The following SEC24B variants were observed in gnomAD, a reference collection of about 807,000 sequenced individuals.
SEC24B encodes the protein SEC24 homolog B, COPII component.
SEC24B carries 45 observed loss-of-function variants against 142.8 expected under a neutral mutation model. That is an observed-to-expected ratio of 0.32 (90% CI 0.25 to 0.40). The LOEUF is 0.40. SEC24B is among the 10% of genes least tolerant of loss of function. The probability of loss-of-function intolerance (pLI) is 1.00; values close to 1 mark genes in which losing one functional copy is unlikely to be tolerated. For synonymous variants in SEC24B, 574 were observed against 568.2 expected, an observed-to-expected ratio of 1.01 and a Z score of -0.15; for missense variants, 1,409 against 1,526.8, an observed-to-expected ratio of 0.92 and a Z score of 1.29.
chr4:109,493,002 G>T (rs985041439), intron 5 of SEC24B, among the ~76,000 whole-genome samples: 2 of 151,728 alleles, frequency 1.3e-5, no homozygotes, highest in Non-Finnish European at 2.9e-5. Flanking sequence ...TAATAGGCTT[G>T]AGCCTTTGCA....
chr4:109,495,746 C>T (rs1176548139), intron 6 of SEC24B, among the ~76,000 whole-genome samples: 1 of 152,172 alleles, frequency 6.6e-6, no homozygotes, highest in East Asian at 1.9e-4. Context: ...GATGATGGAG[C>T]TGCCATCTTG....
chr4:109,444,629 G>A (rs913142818), intron 1 of SEC24B, among the ~76,000 whole-genome samples: 2 of 152,140 alleles, frequency 1.3e-5, no homozygotes, highest in African/African-American at 4.8e-5. Context: ...TACTGAGACA[G>A]ATATGTCCTG....
In SEC24B at chr4:109,516,231, A is replaced by G. The variant is rs117137660; in HGVS notation, c.2014-297A>G. On this transcript the variant is annotated intron_variant, in intron 10 of 23. Transcript: ENST00000265175. ...CATCTAGAGAGCTTAGTATTAAATC[A>G]TAAGCCTAATTTTTAAAAAATGAAC... Among the ~76,000 whole-genome samples the G allele has an allele frequency of 5.3e-3, 804 of 152,324 alleles. 35 individuals are homozygous for G. In the South Asian group the frequency reaches 0.079, roughly 15 times the overall value.
chr4:109,504,704 C>T (rs1295545243), intron 6 of SEC24B, among the ~76,000 whole-genome samples: 2 of 152,106 alleles, frequency 1.3e-5, no homozygotes. Context: ...ACAATGACAG[C>T]CTGATCCTTT....
intron 11 of SEC24B, among the ~76,000 whole-genome samples, chr4:109,519,221 C>T (rs1306156447): frequency 6.6e-6 from 1 of 152,082 alleles, no homozygotes; most frequent in Non-Finnish European, 1.5e-5. Flanking sequence ...TCACTGTGCT[C>T]CAGAAATCCA....
At chr4:109,476,780 A>G (rs1333011767) in intron 3 of SEC24B, among the ~76,000 whole-genome samples, 1 of 152,008 alleles carries the variant, frequency 6.6e-6, no homozygotes, top group Non-Finnish European at 1.5e-5. Flanking sequence ...AGCATATCAT[A>G]TGTTTTCTTC....
At chr4:109,477,570 C>G (rs1187427531) in intron 3 of SEC24B, among the ~76,000 whole-genome samples, 1 of 152,062 alleles carries the variant, frequency 6.6e-6, no homozygotes, top group Admixed American at 6.5e-5. Flanking sequence ...GAGTGATTAT[C>G]CCACCTTGGC....
At position 109,513,772 on chromosome 4, in the gene SEC24B, C is replaced by G. The variant is rs763495438; in HGVS notation, c.1929C>G (p.Pro643=). ...TTCCTGAAGAATTTATGTATAACCC[C>G]CTTACCCGATCTTATGGAGAGCCTC... ...NDVPEEFMYN[P]LTRSYGEPHK... The change falls in exon 10 of 24, where the codon CCC becomes CCG. Residue 643 remains proline, a synonymous_variant. Transcript: ENST00000265175. 9.9e-6 allele frequency: 16 copies of G among 1,612,444 alleles called. No individual in the cohort carries two copies. The highest frequency in any genetic ancestry group is 1.7e-5 in the Admixed American group (1 of 60,002).
intron 1 of SEC24B, among the ~76,000 whole-genome samples, chr4:109,438,190 A>G (rs955818737): frequency 6.6e-6 from 1 of 152,252 alleles, no homozygotes; most frequent in Non-Finnish European, 1.5e-5. Flanking sequence ...ACGTTGTATA[A>G]TAAGAGCCTA....
In SEC24B at chr4:109,495,848, C is replaced by G. The variant is rs552198285; in HGVS notation, c.1488+992C>G. Reference sequence around the variant, plus strand: ...CTGCAGCGCGACTTTACAGGCTGCTCTTCGTTAGAGAATGGTTTGGGGCTG... The same window carrying G: ...CTGCAGCGCGACTTTACAGGCTGCTGTTCGTTAGAGAATGGTTTGGGGCTG... On this transcript the variant is annotated intron_variant, in intron 6 of 23. Transcript: ENST00000265175. Among the ~76,000 whole-genome samples the G allele has an allele frequency of 2.0e-5, 3 of 152,194 alleles. No homozygotes were observed. In the East Asian group the frequency reaches 5.8e-4, roughly 30 times the overall value.
chr4:109,523,819 T>G (rs962501403), intron 14 of SEC24B, among the ~76,000 whole-genome samples: 1 of 152,106 alleles, frequency 6.6e-6, no homozygotes, highest in Non-Finnish European at 1.5e-5. Context: ...TTTATTTGGG[T>G]TTTTTAATCA....
intron 1 of SEC24B, among the ~76,000 whole-genome samples, chr4:109,448,091 C>T (rs1729651289): frequency 6.6e-6 from 1 of 152,194 alleles, no homozygotes; most frequent in Non-Finnish European, 1.5e-5. Flanking sequence ...ATATTGGTCT[C>T]ACCTGGGTAA....
chr4:109,521,002 A>C (rs1222000282), intron 12 of SEC24B, 115 bp from the exon 13 acceptor site: 1 of 670,276 alleles, frequency 1.5e-6, no homozygotes, highest in Non-Finnish European at 2.6e-6. Context: ...CAAAAAAATA[A>C]ATAAAATAAA....
chr4:109,440,940 C>T (rs982287443), intron 1 of SEC24B, among the ~76,000 whole-genome samples: 2 of 152,174 alleles, frequency 1.3e-5, no homozygotes, highest in Non-Finnish European at 2.9e-5. Context: ...TTATTTTCTT[C>T]TGCTTTCCAG....
Position 109,434,002 on chromosome 4 carries a change from G to C in SEC24B, c.133G>C (p.Gly45Arg). The part of the protein sequence containing the change: ...GAGPAPHQQN[G>R]PAQNQMQVPS... ...GGGCCCGGCGCCGCACCAGCAGAAC[G>C]GTGAGGCGGGCGGCCCGGGCGGAGC... Residue 45 changes from glycine to arginine, a missense_variant and splice_region_variant, in exon 1 of 24, where the codon GGT (glycine) becomes CGT (arginine). This residue lies in a region of SEC24B where 709 missense variants were observed against 673.5 expected (regional missense o/e 1.05). Coordinates refer to ENST00000265175, the MANE Select transcript of SEC24B (RefSeq NM_006323.5). 1 of 1,162,356 alleles carries C rather than the reference G, an allele frequency of 8.6e-7. No homozygotes were observed. The highest frequency in any genetic ancestry group is 4.7e-5 in the Admixed American group (1 of 21,204). 72.0% of individuals were successfully genotyped at this position (1,162,356 alleles called of 1,614,324 possible).
At chr4:109,523,071 C>T (rs1723826512) in intron 14 of SEC24B, among the ~76,000 whole-genome samples, 1 of 151,990 alleles carries the variant, frequency 6.6e-6, no homozygotes, top group Admixed American at 6.6e-5. Flanking sequence ...GGTGTGGTAG[C>T]ACCTGCCTGT....
intron 4 of SEC24B, among the ~76,000 whole-genome samples, chr4:109,486,332 AT>A (rs143928195): frequency 0.011 from 1,719 of 152,290 alleles, 28 homozygotes; most frequent in African/African-American, 0.039. Context: ...TATCTGGCTA[AT>A]TTCAAGTTTA....
chr4:109,450,717 A>ACTCTCACCT (rs1218640934), intron 1 of SEC24B: 1 of 145,228 alleles, frequency 6.9e-6, no homozygotes, highest in Non-Finnish European at 1.5e-5. Flanking sequence ...AGTTTTGCTT[A>ACTCTCACCT]CTCTCACCTG....
chr4:109,481,628 C>A, intron 3 of SEC24B, 49 bp from the exon 4 acceptor site: 1 of 1,310,226 alleles, frequency 7.6e-7, no homozygotes, highest in Non-Finnish European at 1.1e-6. Flanking sequence ...TTTTATTTCT[C>A]ATCTTTCCTG....
Sources: gnomAD v4.1 joint callset for allele counts (sites outside exome capture counted in the v4.1 genomes callset) on GRCh38, gnomAD v4.1.1 for gene constraint, gnomAD v4.1.1 regional missense constraint, MANE v1.5 for transcripts, NCBI Gene and HGNC (gene_info 2026-07-23, HGNC 2026-07-21) for gene names.